The following TAMM41 variants were observed in gnomAD, a reference collection of about 807,000 sequenced individuals.
TAMM41 encodes the protein phosphatidate cytidylyltransferase, mitochondrial.
Under a neutral mutation model 44.1 loss-of-function variants are expected in TAMM41, and 36 were observed. The ratio of observed to expected loss-of-function variants is 0.82; its 90% CI spans 0.63 to 1.08. TAMM41 has a LOEUF of 1.08. Ranked by LOEUF, TAMM41 falls within the 50% of genes least tolerant of loss-of-function variation. The probability of loss-of-function intolerance (pLI) is 0.00; values close to 1 mark genes in which losing one functional copy is unlikely to be tolerated. For missense variants in TAMM41, 417 were observed against 404.3 expected (o/e 1.03, Z -0.27); for synonymous variants, 164 against 153.1 (o/e 1.07, Z -0.53).
At chr3:11,731,542 T>C in the TAMM41 span, among the ~76,000 whole-genome samples, 1 of 152,292 alleles carries the variant, frequency 6.6e-6, no homozygotes, top group Non-Finnish European at 1.5e-5. Context: ...AGTGCCCTGC[T>C]ACTTTAGACC....
At chr3:11,818,635 A>G (rs7634857) in intron 4 of TAMM41, among the ~76,000 whole-genome samples, 86,079 of 151,926 alleles carry the variant, frequency 0.57, 26,339 homozygotes, top group African/African-American at 0.77. Context: ...GGTGGCTCAC[A>G]CCTGTAATCC....
At chr3:11,778,594 A>G in the TAMM41 span, among the ~76,000 whole-genome samples, 1 of 152,172 alleles carries the variant, frequency 6.6e-6, no homozygotes, top group African/African-American at 2.4e-5. Context: ...TCTCTGTAAA[A>G]TAACACTTGT....
At chr3:11,792,503 G>A (rs2077503691) in intron 7 of TAMM41, among the ~76,000 whole-genome samples, 1 of 152,216 alleles carries the variant, frequency 6.6e-6, no homozygotes. Context: ...GTGTGCGTAG[G>A]TGCACTTCTG....
the TAMM41 span, among the ~76,000 whole-genome samples, chr3:11,726,800 C>CAAAAAAAAAAAA: frequency 3.2e-5 from 3 of 93,036 alleles, no homozygotes; most frequent in Non-Finnish European, 4.9e-5. Flanking sequence ...GACTCTGTCT[C>CAAAAAAAAAAAA]AAAAAAAAAA....
At chr3:11,751,525 G>GA in the TAMM41 span, among the ~76,000 whole-genome samples, 1 of 152,202 alleles carries the variant, frequency 6.6e-6, no homozygotes, top group African/African-American at 2.4e-5. Context: ...CCGTGCTGGG[G>GA]CCAGGCCTAC....
At chr3:11,750,222 C>G in the TAMM41 span, among the ~76,000 whole-genome samples, 1 of 152,002 alleles carries the variant, frequency 6.6e-6, no homozygotes, top group Non-Finnish European at 1.5e-5. Flanking sequence ...AAGAAGGTTT[C>G]TCTGGACTGG....
chr3:11,839,392 CA>C, intron 2 of TAMM41, 78 bp from the exon 3 acceptor site: 1 of 963,526 alleles, frequency 1.0e-6, no homozygotes, highest in East Asian at 2.6e-5. Context: ...TATAAGGAAA[CA>C]GATAAAATTC....
intron 7 of TAMM41, among the ~76,000 whole-genome samples, chr3:11,806,680 G>T (rs1032850977): frequency 7.2e-5 from 11 of 152,028 alleles, no homozygotes; most frequent in African/African-American, 2.4e-4. Context: ...CAAAATTAAA[G>T]AAAAAATTTA....
At chr3:11,816,096 A>C (rs1285074919) in intron 5 of TAMM41, among the ~76,000 whole-genome samples, 1 of 152,148 alleles carries the variant, frequency 6.6e-6, no homozygotes, top group Non-Finnish European at 1.5e-5. Context: ...TATTTTTTTA[A>C]ATTCCCTTTT....
the TAMM41 span, among the ~76,000 whole-genome samples, chr3:11,766,810 C>A: frequency 1.3e-5 from 2 of 151,796 alleles, no homozygotes; most frequent in African/African-American, 4.8e-5. Flanking sequence ...CCTGAGGGGA[C>A]CTTTCTGCCT....
intron 4 of TAMM41, among the ~76,000 whole-genome samples, chr3:11,819,236 AAC>A (rs2078413249): frequency 6.6e-6 from 1 of 152,172 alleles, no homozygotes; most frequent in African/African-American, 2.4e-5. Context: ...GTAAGACAGA[AAC>A]ACACAGGTAA....
chr3:11,756,125 T>C, the TAMM41 span, among the ~76,000 whole-genome samples: 1 of 152,194 alleles, frequency 6.6e-6, no homozygotes, highest in African/African-American at 2.4e-5. Flanking sequence ...CAAATGACTT[T>C]TATAAAGTGC....
At position 11,833,980 on chromosome 3, in the gene TAMM41, T is replaced by C. The variant is rs192361828; in HGVS notation, c.412-4116A>G. Among the ~76,000 whole-genome samples, 109 of 152,340 alleles carry C rather than the reference T, an allele frequency of 7.2e-4. 2 individuals carry two copies. Among genetic ancestry groups the C allele is most frequent in the Admixed American group, 6.9e-3 (105 of 15,298 alleles). On this transcript the variant is annotated intron_variant, in intron 3 of 7. Coordinates refer to ENST00000455809, the MANE Select transcript of TAMM41 (RefSeq NM_001284401.2). ...AAAATAGGCCAGACAAGGGGGCTCA[T>C]GCCTGTAATCCTAGCACTTTGAGAG...
At chr3:11,820,057 A>G (rs1259104445) in intron 4 of TAMM41, among the ~76,000 whole-genome samples, 1 of 152,110 alleles carries the variant, frequency 6.6e-6, no homozygotes, top group African/African-American at 2.4e-5. Flanking sequence ...TCACTTCTAT[A>G]ATGCTGGCAT....
At chr3:11,763,766 C>T in the TAMM41 span, among the ~76,000 whole-genome samples, 3 of 152,170 alleles carry the variant, frequency 2.0e-5, 1 homozygote, top group South Asian at 4.1e-4. Flanking sequence ...AGTGTCCTGG[C>T]GAAAGTCACA....
intron 5 of TAMM41, among the ~76,000 whole-genome samples, chr3:11,811,875 C>T (rs552203149): frequency 6.6e-6 from 1 of 152,224 alleles, no homozygotes; most frequent in African/African-American, 2.4e-5. Context: ...TGTGACTATA[C>T]TATAAACACT....
chr3:11,770,895 C>A, the TAMM41 span, among the ~76,000 whole-genome samples: 1 of 152,278 alleles, frequency 6.6e-6, no homozygotes, highest in Admixed American at 6.5e-5. Context: ...GTGTCTCTCC[C>A]CAGAGGGCTG....
intron 4 of TAMM41, among the ~76,000 whole-genome samples, chr3:11,823,688 TC>T (rs1418189061): frequency 7.0e-6 from 1 of 142,666 alleles, no homozygotes; most frequent in African/African-American, 2.6e-5. Flanking sequence ...TTAGACAGAG[TC>T]TCACTCTGTC....
chr3:11,739,671 C>CAAAAAAA, the TAMM41 span, among the ~76,000 whole-genome samples: 4 of 53,454 alleles, frequency 7.5e-5, no homozygotes, highest in South Asian at 1.1e-3. Context: ...GACTCCATCT[C>CAAAAAAA]AAAAAAAAAA....
Sources: allele counts gnomAD v4.1 joint callset (sites outside exome capture counted in the v4.1 genomes callset), GRCh38; gene constraint gnomAD v4.1.1; transcripts MANE v1.5; gene names NCBI Gene and HGNC (gene_info 2026-07-23, HGNC 2026-07-21).